PIGT: variants seen among roughly 807,000 people sequenced by gnomAD.
PIGT encodes the protein GPI-anchor transamidase component PIGT.
PIGT carries 57 observed loss-of-function variants against 66.7 expected under a neutral mutation model. The observed-to-expected ratio is 0.86, with a 90% confidence interval of 0.69 to 1.07. PIGT has a LOEUF of 1.07. Among genes scored for constraint, PIGT ranks in the 50% least tolerant of loss-of-function variants. The probability of loss-of-function intolerance (pLI) is 0.00; values close to 1 mark genes in which losing one functional copy is unlikely to be tolerated. For synonymous variants in PIGT, 362 were observed against 320.5 expected, an observed-to-expected ratio of 1.13 and a Z score of -1.38; for missense variants, 725 against 740.4, an observed-to-expected ratio of 0.98 and a Z score of 0.24.
intron 2 of PIGT, chr20:45,416,972 A>T (rs1188782541): frequency 3.2e-6 from 1 of 316,418 alleles, no homozygotes; most frequent in African/African-American, 2.2e-5. Context: ...TGGCAACTGG[A>T]TAACCTTTTA....
chr20:45,425,735 G>T lies in PIGT; in HGVS notation c.1646G>T (p.Arg549Leu), dbSNP rs938481945. 14 of 1,614,110 alleles carry T rather than the reference G, an allele frequency of 8.7e-6. No individual in the cohort carries two copies. The highest frequency in any genetic ancestry group is 1.2e-5 in the Non-Finnish European group (14 of 1,179,972). The change falls in exon 12 of 12, where the codon CGA (arginine) becomes CTA (leucine). Residue 549 changes from arginine (R) to leucine (L), a missense_variant. Around this residue, in one of 3 missense-constraint regions of PIGT, gnomAD observed 162 missense variants for 171.1 expected, o/e 0.95. Transcript: ENST00000279036. ...GGCTCCTTCTACAATCTCCTCACCC[G>T]AACCTTCCACATCGAGGAGCCCCGC... ...CYGSFYNLLT[R>L]TFHIEEPRTG... is the part of the protein sequence containing the mutation.
In PIGT at chr20:45,424,351, C is replaced by A. The variant is rs142282580; in HGVS notation, c.1370C>A (p.Thr457Lys). Residue 457 changes from threonine (T) to lysine (K), a missense_variant, in exon 10 of 12, where the codon ACG becomes AAG. Thr to Lys is a moderately conservative substitution (Grantham distance 78, BLOSUM62 -1). Around this residue, in one of 3 missense-constraint regions of PIGT, gnomAD observed 162 missense variants for 171.1 expected, o/e 0.95. Transcript: ENST00000279036. ...GCGCTGCTGAAGTGGACCGAGTACA[C>A]GCCAGATCCTAACCATGGCTTCTAT... ...ERALLKWTEY[T>K]PDPNHGFYVS... 3.5e-5 allele frequency: 57 copies of A among 1,614,072 alleles called. No homozygotes were observed. Among genetic ancestry groups the A allele is most frequent in the Non-Finnish European group, 4.2e-5 (50 of 1,180,040 alleles).
rs1990716343 is a variant in PIGT at position 45,425,819 on chromosome 20, CA to C, written c.1731del (p.Leu578SerfsTer66). The C allele has an allele frequency of 6.2e-7, 1 of 1,613,082 alleles. No individual in the cohort carries two copies. Among genetic ancestry groups the C allele is most frequent in the South Asian group, 1.1e-5 (1 of 91,054 alleles). On this transcript the variant is annotated frameshift_variant, in exon 12 of 12. Coordinates refer to ENST00000279036, the MANE Select transcript of PIGT (RefSeq NM_015937.6). LOFTEE classifies it high-confidence loss of function. The stretch of plus-strand genomic sequence containing the variant: ...ATCCGGCGCGCCCGAGGTGTCCCCC[CA>C]CTCTGATTCTTGCCCTTTCCAGCAG... ...NLIRRARGVPPL is the reference protein window; with the variant it reads ...NLIRRARGVPXL
rs1333013994 is a variant in PIGT at position 45,418,880 on chromosome 20, A to G, written c.394A>G (p.Asn132Asp). 1.2e-6 allele frequency: 2 copies of G among 1,614,052 alleles called. No individual in the cohort carries two copies. The highest frequency in any genetic ancestry group is 1.7e-6 in the Non-Finnish European group (2 of 1,179,960). The stretch of plus-strand genomic sequence containing the variant: ...GGATAAATCTTGGAAGGAGCTCAGT[A>G]ATGTCCTCTCAGGGATCTTCTGCGC... ...DVDKSWKELS[N>D]VLSGIFCASL... Residue 132 changes from asparagine to aspartate, a missense_variant, in exon 3 of 12, where the codon AAT (asparagine) becomes GAT (aspartate). This residue lies in a region of PIGT where 559 missense variants were observed against 552.7 expected (regional missense o/e 1.01). Transcript: ENST00000279036.
chr20:45,416,440 C>T (rs781155280), intron 1 of PIGT, 77 bp from the exon 2 acceptor site: 5 of 1,570,934 alleles, frequency 3.2e-6, no homozygotes, highest in Non-Finnish European at 4.3e-6. Flanking sequence ...GGGCCTAATT[C>T]CTGGGTAGAG....
chr20:45,417,613 C>T (rs1045788983), intron 2 of PIGT: 1 of 152,236 alleles, frequency 6.6e-6, no homozygotes, highest in African/African-American at 2.4e-5. Flanking sequence ...CAGGCAAGAG[C>T]CACCACACCT....
Position 45,419,396 on chromosome 20 carries a change from G to C in PIGT, c.594+1G>C. ...GAAGCTCTTGCCCTGTAGTTCCAAGGTGAGGCCGCAGAGCCTGGCAGCCGG... is the reference window on the plus strand; with the variant it reads ...GAAGCTCTTGCCCTGTAGTTCCAAGCTGAGGCCGCAGAGCCTGGCAGCCGG... On this transcript the variant is annotated splice_donor_variant, in intron 4 of 11. Transcript: ENST00000279036. LOFTEE classifies it high-confidence loss of function. 1 of 1,612,114 alleles carries C rather than the reference G, an allele frequency of 6.2e-7. No individual in the cohort carries two copies. Among genetic ancestry groups the C allele is most frequent in the Non-Finnish European group, 8.5e-7 (1 of 1,179,338 alleles).
At position 45,418,844 on chromosome 20, in the gene PIGT, C is replaced by G. The variant is rs1990153462; in HGVS notation, c.366-8C>G. ...CAGGACAGTGAGTGGATTTGTGTCT[C>G]TATCCAGTGTGGATAAATCTTGGAA... On this transcript the variant is annotated splice_polypyrimidine_tract_variant and splice_region_variant and intron_variant, in intron 2 of 11. Coordinates refer to ENST00000279036, the MANE Select transcript of PIGT (RefSeq NM_015937.6). The G allele has an allele frequency of 1.2e-6, 2 of 1,613,734 alleles. No homozygotes were observed. The highest frequency in any genetic ancestry group is 8.5e-7 in the Non-Finnish European group (1 of 1,179,740).
intron 9 of PIGT, chr20:45,422,497 A>C (rs1040105608): frequency 6.8e-6 from 1 of 147,582 alleles, no homozygotes; most frequent in African/African-American, 2.5e-5. Context: ...GCTATGCCGG[A>C]GTGCAGTGGC....
chr20:45,421,045 A>G (rs1359207543), intron 8 of PIGT: 3 of 506,662 alleles, frequency 5.9e-6, no homozygotes, highest in Non-Finnish European at 1.1e-5. Flanking sequence ...AAGAAATATA[A>G]GTCTACTAGC....
rs1230551818 is a variant in PIGT, at chr20:45,425,817, C to T, written c.1728C>T (p.Pro576=). 16 of 1,613,394 alleles carry T rather than the reference C, an allele frequency of 9.9e-6. No individual in the cohort carries two copies. The highest frequency in any genetic ancestry group is 1.4e-5 in the Non-Finnish European group (16 of 1,179,634). The part of the protein sequence containing the change: ...ANLIRRARGV[P]PL ...TTATCCGGCGCGCCCGAGGTGTCCCCCCACTCTGATTCTTGCCCTTTCCAG... is the reference window on the plus strand; with the variant it reads ...TTATCCGGCGCGCCCGAGGTGTCCCTCCACTCTGATTCTTGCCCTTTCCAG... Residue 576 remains proline, a synonymous_variant, in exon 12 of 12, where the codon CCC becomes CCT. Coordinates refer to ENST00000279036, the MANE Select transcript of PIGT (RefSeq NM_015937.6).
Position 45,416,300 on chromosome 20 carries a change from C to A in PIGT, c.144C>A (p.Phe48Leu), listed in dbSNP as rs756033610. Residue 48 changes from phenylalanine (F) to leucine (L), a missense_variant, in exon 1 of 12, where the codon TTC becomes TTA. By Grantham distance (22) the Phe-to-Leu change is conservative (BLOSUM62 0). This residue lies in a region of PIGT where 559 missense variants were observed against 552.7 expected (regional missense o/e 1.01). Coordinates refer to ENST00000279036, the MANE Select transcript of PIGT (RefSeq NM_015937.6). ...PLPSGDVAAT[F>L]QFRTRWDSEL... ...CTTCCGGGGACGTAGCCGCCACATT[C>A]CAGTTCCGCACGCGCTGGGATTCGG... is the stretch of plus-strand genomic sequence containing the variant. 8.1e-6 allele frequency: 13 copies of A among 1,597,818 alleles called. No homozygotes were observed. The highest frequency in any genetic ancestry group is 1.3e-5 in the African/African-American group (1 of 74,742).
intron 11 of PIGT, 38 bp downstream of exon 11, chr20:45,424,617 C>G: frequency 6.5e-7 from 1 of 1,548,350 alleles, no homozygotes; most frequent in Non-Finnish European, 8.9e-7. Context: ...ACATCCTCAG[C>G]TGCCTGCTGG....
chr20:45,419,389 T>C lies in PIGT; in HGVS notation c.588T>C (p.Ser196=). 4 of 1,613,196 alleles carry C rather than the reference T, an allele frequency of 2.5e-6. No homozygotes were observed. The highest frequency in any genetic ancestry group is 3.4e-6 in the Non-Finnish European group (4 of 1,179,632). ...CCTGGAAGAAGCTCTTGCCCTGTAG[T>C]TCCAAGGTGAGGCCGCAGAGCCTGG... is the stretch of plus-strand genomic sequence containing the variant. The part of the protein sequence containing the change: ...LTPWKKLLPC[S]SKAGLSVLLK... The change falls in exon 4 of 12, where the codon AGT becomes AGC. Residue 196 remains serine, a synonymous_variant. Transcript: ENST00000279036.
intron 9 of PIGT, chr20:45,423,703 CT>C (rs3091447): frequency 0.72 from 93,542 of 130,176 alleles, 33,503 homozygotes; most frequent in Middle Eastern, 0.82. Context: ...GTGCCCATGC[CT>C]TTTTTTTTTT....
chr20:45,421,484 C>T lies in PIGT; in HGVS notation c.1135C>T (p.Arg379Trp), dbSNP rs778278611. The change falls in exon 9 of 12, where the codon CGG (arginine) becomes TGG (tryptophan). Residue 379 changes from arginine to tryptophan, a missense_variant. By Grantham distance (101) the Arg-to-Trp change is moderately radical. Coordinates refer to ENST00000279036, the MANE Select transcript of PIGT (RefSeq NM_015937.6). ...ACTGCTGTACAACACCCACCCATAC[C>T]GGGCCTTCCCGGTGCTGCTGCTGGA... is the stretch of plus-strand genomic sequence containing the variant. Reference protein sequence around the residue: ...STLLYNTHPYRAFPVLLLDTV... With the variant: ...STLLYNTHPYWAFPVLLLDTV... 51 of 1,614,190 alleles carry T rather than the reference C, an allele frequency of 3.2e-5. No homozygotes were observed. The highest frequency in any genetic ancestry group is 2.2e-4 in the South Asian group (20 of 91,086).
intron 9 of PIGT, chr20:45,423,505 GA>G (rs111893171): frequency 1.3e-3 from 185 of 141,036 alleles, no homozygotes; most frequent in Middle Eastern, 3.6e-3. Context: ...ACCCTGTCAC[GA>G]AAAAAAAAAA....
Position 45,416,223 on chromosome 20 carries a change from G to A in PIGT, c.67G>A (p.Ala23Thr), listed in dbSNP as rs771087475. The A allele has an allele frequency of 7.5e-6, 12 of 1,596,594 alleles. No individual in the cohort carries two copies. Among genetic ancestry groups the A allele is most frequent in the Non-Finnish European group, 1.0e-5 (12 of 1,172,310 alleles). The part of the protein sequence containing the change: ...LLLGPGGWCL[A>T]EPPRDSLREE... ...CCTGGGGCCCGGCGGCTGGTGCCTT[G>A]CAGAACCCCCACGCGACAGCCTGCG... is the stretch of plus-strand genomic sequence containing the variant. Residue 23 changes from alanine (A) to threonine (T), a missense_variant, in exon 1 of 12, where the codon GCA becomes ACA. Coordinates refer to ENST00000279036, the MANE Select transcript of PIGT (RefSeq NM_015937.6).
intron 5 of PIGT, 79 bp from the exon 6 acceptor site, chr20:45,420,057 A>C: frequency 1.0e-6 from 1 of 970,532 alleles, no homozygotes; most frequent in Non-Finnish European, 1.6e-6. Context: ...TGAGGGATTG[A>C]GTCTGAGTAG....
Sources: gnomAD v4.1 joint callset for allele counts on GRCh38, gnomAD v4.1.1 for gene constraint, gnomAD v4.1.1 regional missense constraint, MANE v1.5 for transcripts, NCBI Gene and HGNC (gene_info 2026-07-23, HGNC 2026-07-21) for gene names.